The following RORA variants were observed in gnomAD, a reference collection of about 807,000 sequenced individuals.
RORA encodes the protein RAR related orphan receptor A, also known as nuclear receptor ROR-alpha.
Under a neutral mutation model 69.5 loss-of-function variants are expected in RORA, and 7 were observed. That is an observed-to-expected ratio of 0.10 (90% confidence interval 0.06 to 0.19). The LOEUF is 0.19. Ranked by LOEUF, RORA falls within the 10% of genes least tolerant of loss-of-function variation. The pLI, the probability that RORA is intolerant of heterozygous loss-of-function variation, is 1.00. For synonymous variants in RORA, 261 were observed against 240.8 expected (o/e 1.08, Z -0.78); for missense variants, 457 against 663.0 (o/e 0.69, Z 3.41).
intron 1 of RORA, among the ~76,000 whole-genome samples, chr15:61,086,005 C>T (rs1390748873): frequency 1.3e-5 from 2 of 152,172 alleles, no homozygotes; most frequent in Non-Finnish European, 2.9e-5. Context: ...GCACAAGTCA[C>T]CTGGAACAGT....
chr15:60,545,902 A>T (rs2067054202), intron 2 of RORA, among the ~76,000 whole-genome samples: 1 of 152,218 alleles, frequency 6.6e-6, no homozygotes, highest in African/African-American at 2.4e-5. Flanking sequence ...ATTTTAAATA[A>T]GTCTGTGTGA....
At chr15:60,577,027 A>G (rs552770412) in intron 2 of RORA, among the ~76,000 whole-genome samples, 1 of 152,360 alleles carries the variant, frequency 6.6e-6, no homozygotes, top group South Asian at 2.1e-4. Context: ...TTTTATGCCC[A>G]GGTCTTTGCT....
At chr15:60,706,131 A>G (rs2140800624) in intron 1 of RORA, 1 of 152,300 alleles carries the variant, frequency 6.6e-6, no homozygotes, top group South Asian at 2.1e-4. Flanking sequence ...GAGTTTGAGC[A>G]AAAAAACAGG....
intron 1 of RORA, among the ~76,000 whole-genome samples, chr15:60,767,287 T>C (rs1333356823): frequency 1.3e-5 from 2 of 152,160 alleles, no homozygotes; most frequent in African/African-American, 2.4e-5. Flanking sequence ...CATTGGCCTT[T>C]TGAGTCTGTG....
intron 3 of RORA, among the ~76,000 whole-genome samples, chr15:60,515,576 G>C (rs2065838626): frequency 6.6e-6 from 1 of 152,042 alleles, no homozygotes; most frequent in African/African-American, 2.4e-5. Flanking sequence ...TTTATTCTTA[G>C]AGTGTCAAGT....
At chr15:60,718,121 C>T (rs1489166476) in intron 1 of RORA, among the ~76,000 whole-genome samples, 1 of 152,096 alleles carries the variant, frequency 6.6e-6, no homozygotes, top group Non-Finnish European at 1.5e-5. Flanking sequence ...ATAGGACCTT[C>T]GTAACAGCAA....
intron 1 of RORA, among the ~76,000 whole-genome samples, chr15:60,821,999 G>C (rs887266004): frequency 6.9e-6 from 1 of 143,994 alleles, no homozygotes; most frequent in African/African-American, 2.4e-5. Flanking sequence ...ATGAGTAGCA[G>C]TATTCACAGA....
intron 1 of RORA, among the ~76,000 whole-genome samples, chr15:60,839,184 C>G (rs1000751114): frequency 6.6e-6 from 1 of 152,150 alleles, no homozygotes; most frequent in Non-Finnish European, 1.5e-5. Context: ...AGGCGTGAGC[C>G]ACCGCGCCTG....
At chr15:60,694,552 T>A (rs559290091) in intron 1 of RORA, among the ~76,000 whole-genome samples, 1 of 152,352 alleles carries the variant, frequency 6.6e-6, no homozygotes, top group South Asian at 2.1e-4. Flanking sequence ...TGCCCCTCCG[T>A]TCTACCCACC....
intron 1 of RORA, among the ~76,000 whole-genome samples, chr15:61,224,016 A>AC (rs1159058149): frequency 1.3e-5 from 2 of 151,926 alleles, no homozygotes; most frequent in Admixed American, 6.6e-5. Context: ...AAAAAAAAAA[A>AC]AACCACTAAA....
chr15:60,956,034 G>T (rs1893258838), intron 1 of RORA, among the ~76,000 whole-genome samples: 1 of 152,120 alleles, frequency 6.6e-6, no homozygotes, highest in South Asian at 2.1e-4. Context: ...GCTTTACCTG[G>T]TTTTGTTTCC....
intron 1 of RORA, among the ~76,000 whole-genome samples, chr15:61,079,807 C>T (rs1001993543): frequency 6.6e-6 from 1 of 152,174 alleles, no homozygotes; most frequent in Admixed American, 6.5e-5. Context: ...CGCCTGGGCA[C>T]TCTTGGGTGG....
At chr15:60,936,801 C>T (rs902908315) in intron 1 of RORA, among the ~76,000 whole-genome samples, 2 of 152,196 alleles carry the variant, frequency 1.3e-5, no homozygotes, top group African/African-American at 4.8e-5. Flanking sequence ...GTAAGACAGA[C>T]ATTTTGTTAG....
intron 1 of RORA, among the ~76,000 whole-genome samples, chr15:61,198,284 G>A (rs780064812): frequency 2.6e-5 from 4 of 152,134 alleles, no homozygotes; most frequent in Non-Finnish European, 4.4e-5. Context: ...GGTCTGGCTC[G>A]TGTAAAATAA....
chr15:60,671,067 G>GATATATATAT (rs10577286), intron 2 of RORA, among the ~76,000 whole-genome samples: 2,524 of 121,986 alleles, frequency 0.021, 80 homozygotes, highest in East Asian at 0.036. Context: ...ATATCCCATT[G>GATATATATAT]ATATATATAT....
In RORA at chr15:61,141,303, G is replaced by A. The variant is rs191878994; in HGVS notation, c.166+87750C>T. Among the ~76,000 whole-genome samples the A allele has an allele frequency of 1.3e-4, 20 of 152,198 alleles. No individual in the cohort carries two copies. The East Asian group carries it at 2.1e-3, about 16-fold the overall frequency. On this transcript the variant is annotated intron_variant, in intron 1 of 10. Coordinates refer to ENST00000335670, the MANE Select transcript of RORA (RefSeq NM_134261.3). ...TTCATGATCAGTTAAGCTTGTAATC[G>A]ATGTAGAATTTGGAATGAAGTATTT...
At chr15:60,891,052 A>AG (rs1491267281) in intron 1 of RORA, among the ~76,000 whole-genome samples, 1 of 152,188 alleles carries the variant, frequency 6.6e-6, no homozygotes, top group Non-Finnish European at 1.5e-5. Flanking sequence ...TGTTCAAAAC[A>AG]GGGGGGAGAT....
chr15:60,926,800 C>T (rs747251734), intron 1 of RORA, among the ~76,000 whole-genome samples: 1 of 152,256 alleles, frequency 6.6e-6, no homozygotes. Flanking sequence ...AAAAGATGTC[C>T]ACAAGCTACT....
chr15:60,914,218 A>G (rs1221997105), intron 1 of RORA, among the ~76,000 whole-genome samples: 1 of 152,094 alleles, frequency 6.6e-6, no homozygotes, highest in African/African-American at 2.4e-5. Flanking sequence ...ATTGTTTTGG[A>G]CTCAAGAAGC....
Sources: allele counts gnomAD v4.1 joint callset (sites outside exome capture counted in the v4.1 genomes callset), GRCh38; gene constraint gnomAD v4.1.1; transcripts MANE v1.5; gene names NCBI Gene and HGNC (gene_info 2026-07-23, HGNC 2026-07-21).